The following SGIP1 variants were observed in gnomAD, a reference collection of about 807,000 sequenced individuals.
SGIP1 encodes SH3GL interacting endocytic adaptor 1, also known as SH3-containing GRB2-like protein 3-interacting protein 1.
A neutral mutation model predicts 107.5 loss-of-function variants in SGIP1; 38 were observed. The ratio of observed to expected loss-of-function variants is 0.35; its 90% confidence interval spans 0.27 to 0.46. SGIP1 has a LOEUF of 0.46. Ranked by LOEUF, SGIP1 falls within the 20% of genes least tolerant of loss-of-function variation. The probability of loss-of-function intolerance (pLI) is 1.00; values close to 1 mark genes in which losing one functional copy is unlikely to be tolerated. For synonymous variants in SGIP1, 365 were observed against 366.1 expected (o/e 1.00, Z 0.03); for missense variants, 929 against 1,019.5 (o/e 0.91, Z 1.21).
chr1:66,581,637 A>T (rs1194341667), intron 1 of SGIP1, among the ~76,000 whole-genome samples: 1 of 152,040 alleles, frequency 6.6e-6, no homozygotes, highest in Non-Finnish European at 1.5e-5. Flanking sequence ...TAAGTTTAAA[A>T]TGCTTTGCCT....
chr1:66,702,444 T>C (rs147904863), intron 18 of SGIP1, among the ~76,000 whole-genome samples: 1 of 152,330 alleles, frequency 6.6e-6, no homozygotes, highest in Non-Finnish European at 1.5e-5. Context: ...GAAAGCATAA[T>C]ACCCACCTGG....
At position 66,681,959 on chromosome 1, in the gene SGIP1, A is replaced by G. The variant is rs200164591; in HGVS notation, c.905A>G (p.Lys302Arg). 5.0e-6 allele frequency: 8 copies of G among 1,614,182 alleles called. No individual in the cohort carries two copies. The highest frequency in any genetic ancestry group is 2.7e-5 in the African/African-American group (2 of 75,036). ...DSIFGPVLSPKSVAVNAEEKW... is the reference protein window; with the variant it reads ...DSIFGPVLSPRSVAVNAEEKW... Reference sequence around the variant, plus strand: ...ATTTTTGGGCCAGTATTGTCCCCCAAGTCTGTTGCTGTTAATGCTGAAGAA... The same window carrying G: ...ATTTTTGGGCCAGTATTGTCCCCCAGGTCTGTTGCTGTTAATGCTGAAGAA... The change falls in exon 15 of 25, where the codon AAG becomes AGG. Residue 302 changes from lysine to arginine, a missense_variant. Lys to Arg is a conservative substitution (Grantham distance 26). Transcript: ENST00000371037.
At chr1:66,601,234 G>A (rs1270042914) in intron 1 of SGIP1, among the ~76,000 whole-genome samples, 3 of 151,970 alleles carry the variant, frequency 2.0e-5, no homozygotes, top group Non-Finnish European at 2.9e-5. Context: ...GCGTGGTGGC[G>A]GGCGCCTGTA....
chr1:66,656,011 C>T (rs188091176), intron 7 of SGIP1, among the ~76,000 whole-genome samples: 8 of 152,154 alleles, frequency 5.3e-5, no homozygotes, highest in African/African-American at 1.7e-4. Flanking sequence ...TATGAAAATA[C>T]TTTATACTCT....
intron 1 of SGIP1, among the ~76,000 whole-genome samples, chr1:66,542,669 A>G (rs570095126): frequency 2.0e-5 from 3 of 152,238 alleles, no homozygotes; most frequent in Non-Finnish European, 4.4e-5. Context: ...TTTAAAACTT[A>G]TGAATTGGTT....
Position 66,750,084 on chromosome 1 carries a change from C to G in SGIP1, c.*6989C>G, listed in dbSNP as rs1235637306. 6.7e-6 allele frequency among the ~76,000 whole-genome samples: 1 copy of G among 149,708 alleles called. No homozygotes were observed. The highest frequency in any genetic ancestry group is 2.5e-5 in the African/African-American group (1 of 40,622). On this transcript the variant is annotated 3_prime_UTR_variant, in exon 25 of 25. Coordinates refer to ENST00000371037, the MANE Select transcript of SGIP1 (RefSeq NM_032291.4). Reference sequence around the variant, plus strand: ...GTGTGTGTGTCTCTTTCCTCTCTGTCTAAGGGGAATTGGAAAATTGCTGCT... The same window carrying G: ...GTGTGTGTGTCTCTTTCCTCTCTGTGTAAGGGGAATTGGAAAATTGCTGCT...
rs912982168 is a variant in SGIP1 at position 66,744,220 on chromosome 1, C to T, written c.*1125C>T. 3 of 152,150 alleles carry T rather than the reference C, an allele frequency of 2.0e-5. No individual in the cohort carries two copies. The highest frequency in any genetic ancestry group is 2.9e-5 in the Non-Finnish European group (2 of 67,990). 9.4% of individuals were successfully genotyped at this position (152,150 alleles called of 1,614,324 possible). Reference sequence around the variant, plus strand: ...TAAGCTTCATAAATGAAATTCTATTCACATTACTGTGTAATAAATTTCCTT... The same window carrying T: ...TAAGCTTCATAAATGAAATTCTATTTACATTACTGTGTAATAAATTTCCTT... On this transcript the variant is annotated 3_prime_UTR_variant, in exon 25 of 25. Transcript: ENST00000371037.
intron 1 of SGIP1, among the ~76,000 whole-genome samples, chr1:66,618,760 T>A (rs894223207): frequency 6.6e-6 from 1 of 152,206 alleles, no homozygotes; most frequent in African/African-American, 2.4e-5. Flanking sequence ...TCACCCCTAG[T>A]GATTACAGAG....
rs1259164651 is a variant in SGIP1 at position 66,746,017 on chromosome 1, G to A, written c.*2922G>A. 6.6e-6 allele frequency: 1 copy of A among 152,138 alleles called. No individual in the cohort carries two copies. Among genetic ancestry groups the A allele is most frequent in the Non-Finnish European group, 1.5e-5 (1 of 67,976 alleles). The allele number at this position is 152,138 out of a possible 1,614,324, so 9.4% of individuals were successfully genotyped here. On this transcript the variant is annotated 3_prime_UTR_variant, in exon 25 of 25. Coordinates refer to ENST00000371037, the MANE Select transcript of SGIP1 (RefSeq NM_032291.4). Reference sequence around the variant, plus strand: ...ATATTTCACCTGTAAAAGAAAGAATGTCCACAATTCAAACGGTTTTGAGTT... The same window carrying A: ...ATATTTCACCTGTAAAAGAAAGAATATCCACAATTCAAACGGTTTTGAGTT...
intron 18 of SGIP1, among the ~76,000 whole-genome samples, chr1:66,715,602 T>C (rs1298226761): frequency 6.6e-6 from 1 of 152,088 alleles, no homozygotes; most frequent in African/African-American, 2.4e-5. Context: ...TCTGCGAGCT[T>C]TAAAACAAAG....
In SGIP1 at chr1:66,747,646, A is replaced by C. The variant is rs1349742070; in HGVS notation, c.*4551A>C. 1.3e-5 allele frequency: 2 copies of C among 152,008 alleles called. No individual in the cohort carries two copies. Among genetic ancestry groups the C allele is most frequent in the African/African-American group, 4.8e-5 (2 of 41,444 alleles). 9.4% of individuals were successfully genotyped at this position (152,008 alleles called of 1,614,324 possible). A position where few individuals can be genotyped will look rare whatever the true frequency, so the allele number is the denominator to read the frequency against. On this transcript the variant is annotated 3_prime_UTR_variant, in exon 25 of 25. Coordinates refer to ENST00000371037, the MANE Select transcript of SGIP1 (RefSeq NM_032291.4). ...AACCTATTTATTTTGTAAGCTTTTG[A>C]CTTTACAAACATGTGGTAGCCTCAT...
chr1:66,708,101 A>G (rs2092652219), intron 18 of SGIP1, among the ~76,000 whole-genome samples: 1 of 152,144 alleles, frequency 6.6e-6, no homozygotes, highest in African/African-American at 2.4e-5. Flanking sequence ...GTAGGGTTTA[A>G]GAATACAATG....
At chr1:66,614,541 A>G (rs1258281580) in intron 1 of SGIP1, among the ~76,000 whole-genome samples, 3 of 152,216 alleles carry the variant, frequency 2.0e-5, no homozygotes, top group Admixed American at 6.5e-5. Context: ...TTCCTTTAAA[A>G]CTTTTTATTT....
chr1:66,736,946 C>T (rs955687267), intron 21 of SGIP1, among the ~76,000 whole-genome samples: 2 of 151,990 alleles, frequency 1.3e-5, no homozygotes, highest in African/African-American at 4.8e-5. Flanking sequence ...ATAGTATATA[C>T]TCTTCAAACA....
chr1:66,606,705 T>G (rs2066917102), intron 1 of SGIP1, among the ~76,000 whole-genome samples: 1 of 152,246 alleles, frequency 6.6e-6, no homozygotes, highest in East Asian at 1.9e-4. Flanking sequence ...ATGCTCAGCA[T>G]AGCTGGGTTG....
chr1:66,541,894 A>C (rs2055031462), intron 1 of SGIP1, among the ~76,000 whole-genome samples: 1 of 152,346 alleles, frequency 6.6e-6, no homozygotes, highest in East Asian at 1.9e-4. Context: ...GCAGCAAAAC[A>C]CAAGGCAACA....
intron 9 of SGIP1, among the ~76,000 whole-genome samples, chr1:66,668,059 A>G (rs570584011): frequency 5.4e-4 from 83 of 152,330 alleles, no homozygotes; most frequent in Admixed American, 2.0e-3. Flanking sequence ...CACACTTTCA[A>G]GTCAATATTC....
Position 66,682,090 on chromosome 1 carries a change from T to A in SGIP1, c.1036T>A (p.Ser346Thr). ...PPATPDNPAD[S>T]PAPGPLGPPG... Reference sequence around the variant, plus strand: ...AGCTACACCAGACAACCCAGCTGACTCCCCAGCTCCAGGCCCTCTCGGCCC... The same window carrying A: ...AGCTACACCAGACAACCCAGCTGACACCCCAGCTCCAGGCCCTCTCGGCCC... Residue 346 changes from serine to threonine, a missense_variant, in exon 15 of 25, where the codon TCC becomes ACC. Physicochemically the swap from Ser to Thr is moderately conservative, Grantham distance 58. This residue lies in a region of SGIP1 where 588 missense variants were observed against 588.6 expected (regional missense o/e 1.00). Transcript: ENST00000371037. 1 of 1,614,148 alleles carries A rather than the reference T, an allele frequency of 6.2e-7. No homozygotes were observed.
intron 20 of SGIP1, among the ~76,000 whole-genome samples, chr1:66,732,130 G>C (rs181765190): frequency 1.4e-4 from 22 of 152,240 alleles, no homozygotes; most frequent in Middle Eastern, 3.4e-3. Context: ...TTATATAATT[G>C]AGGGTTTCCC....
Sources: gnomAD v4.1 joint callset for allele counts (sites outside exome capture counted in the v4.1 genomes callset) on GRCh38, gnomAD v4.1.1 for gene constraint, gnomAD v4.1.1 regional missense constraint, MANE v1.5 for transcripts, NCBI Gene and HGNC (gene_info 2026-07-23, HGNC 2026-07-21) for gene names.